The following PACS2 variants were observed in gnomAD, a reference collection of about 807,000 sequenced individuals.
PACS2 encodes the protein PACS1-like protein.
A neutral mutation model predicts 113.0 loss-of-function variants in PACS2; 36 were observed. That is an observed-to-expected ratio of 0.32 (90% CI 0.24 to 0.42). PACS2 has a LOEUF of 0.42. PACS2 is among the 10% of genes least tolerant of loss of function. PACS2 has a pLI of 1.00. For synonymous variants in PACS2, 589 were observed against 536.1 expected (o/e 1.10, Z -1.36); for missense variants, 1,015 against 1,239.5 (o/e 0.82, Z 2.72).
chr14:105,393,398 T>C (rs1479090812), intron 24 of PACS2, 63 bp downstream of exon 24: 2 of 1,126,154 alleles, frequency 1.8e-6, no homozygotes, highest in Non-Finnish European at 2.6e-6. Context: ...GCAAGGCTGC[T>C]TTGGAGCCCA....
At position 105,368,469 on chromosome 14, in the gene PACS2, AGGACGACTTTGACGT is replaced by A; in HGVS notation, c.674_688del (p.Asp225_Val229del). ...CATATGTCTCTGCAGGACTTGGACG[AGGACGACTTTGACGT>A]GGGGAAGCCGAAGAAGCAGCGGAGA... is the stretch of plus-strand genomic sequence containing the variant. On this transcript the variant is annotated inframe_deletion, in exon 7 of 25. Coordinates refer to ENST00000447393, the MANE Select transcript of PACS2 (RefSeq NM_001100913.3). The A allele has an allele frequency of 6.2e-7, 1 of 1,613,828 alleles. No individual in the cohort carries two copies. Among genetic ancestry groups the A allele is most frequent in the Non-Finnish European group, 8.5e-7 (1 of 1,179,798 alleles).
chr14:105,368,610 G>T (rs929982891), intron 7 of PACS2, 71 bp downstream of exon 7: 45 of 1,172,350 alleles, frequency 3.8e-5, no homozygotes, highest in African/African-American at 6.0e-5. Flanking sequence ...GCCTGGGCGT[G>T]GGGGGGACAC....
intron 1 of PACS2, among the ~76,000 whole-genome samples, chr14:105,305,810 C>G (rs1244196695): frequency 6.6e-6 from 1 of 152,264 alleles, no homozygotes; most frequent in Non-Finnish European, 1.5e-5. Context: ...CACCAGTGCC[C>G]TCAGAGCACC....
intron 9 of PACS2, among the ~76,000 whole-genome samples, chr14:105,378,151 A>C (rs976894079): frequency 6.6e-6 from 1 of 152,122 alleles, no homozygotes; most frequent in Admixed American, 6.5e-5. Flanking sequence ...AGCCGGAGAA[A>C]GTTTTCTGTC....
intron 17 of PACS2, 56 bp from the exon 18 acceptor site, chr14:105,384,823 C>T (rs1344276697): frequency 2.7e-5 from 32 of 1,192,856 alleles, no homozygotes; most frequent in Admixed American, 1.2e-4. Flanking sequence ...AGCTTAGCCC[C>T]GCCTGCAACC....
At chr14:105,343,470 A>G (rs1555401986) in intron 1 of PACS2, among the ~76,000 whole-genome samples, 2 of 152,212 alleles carry the variant, frequency 1.3e-5, no homozygotes, top group Non-Finnish European at 1.5e-5. Flanking sequence ...GGCGTTCTGC[A>G]CGTTCAGAGT....
intron 4 of PACS2, among the ~76,000 whole-genome samples, chr14:105,364,723 G>T (rs1555407557): frequency 2.0e-5 from 3 of 147,486 alleles, no homozygotes; most frequent in African/African-American, 5.0e-5. Context: ...TTGAGACGGG[G>T]TCTTACTTTG....
At chr14:105,310,364 AAT>A (rs1323057750), upstream of PACS2, among the ~76,000 whole-genome samples, 2 of 151,482 alleles carry the variant, frequency 1.3e-5, no homozygotes, top group Non-Finnish European at 2.9e-5. Flanking sequence ...CCCCGTCTCT[AAT>A]AAAAATACAA....
In PACS2 at chr14:105,397,264, T is replaced by G. The variant is rs183482703; in HGVS notation, c.*2592T>G. ...CCCTGCCTACCTCACAGAGCTGTTC[T>G]GAGGGTGCATGGAGGAGCACTCTGT... On this transcript the variant is annotated 3_prime_UTR_variant, in exon 25 of 25. Coordinates refer to ENST00000447393, the MANE Select transcript of PACS2 (RefSeq NM_001100913.3). The G allele has an allele frequency of 6.6e-6, 1 of 152,448 alleles. No homozygotes were observed. The highest frequency in any genetic ancestry group is 2.4e-5 in the African/African-American group (1 of 41,586). 9.4% of individuals were successfully genotyped at this position (152,448 alleles called of 1,614,324 possible).
chr14:105,347,405 C>T (rs1343472592), intron 1 of PACS2, among the ~76,000 whole-genome samples: 1 of 152,148 alleles, frequency 6.6e-6, no homozygotes, highest in Admixed American at 6.5e-5. Flanking sequence ...GAGACGGAAG[C>T]ACGTGGCGGC....
chr14:105,326,300 A>G (rs2059103986), intron 1 of PACS2, among the ~76,000 whole-genome samples: 1 of 152,180 alleles, frequency 6.6e-6, no homozygotes, highest in Non-Finnish European at 1.5e-5. Flanking sequence ...CCGCAGCAGC[A>G]GTGGAGTTGA....
intron 3 of PACS2, 57 bp downstream of exon 3, chr14:105,352,524 C>A: frequency 1.9e-6 from 2 of 1,036,686 alleles, no homozygotes; most frequent in African/African-American, 1.6e-5. Context: ...GGGAGACGGG[C>A]CCCCCTCATC....
rs1315833184 is a variant in PACS2 at position 105,395,073 on chromosome 14, G to A, written c.*401G>A. The A allele has an allele frequency of 8.8e-5, 19 of 216,994 alleles. No individual in the cohort carries two copies. In the South Asian group the frequency reaches 1.2e-3, roughly 14 times the overall value. 13.4% of individuals were successfully genotyped at this position (216,994 alleles called of 1,614,324 possible). A position where few individuals can be genotyped will look rare whatever the true frequency, so the allele number is the denominator to read the frequency against. Reference sequence around the variant, plus strand: ...TCAGTGGCCACAGGCCGAGGGCCATGGGGCCGCTCAGTCCCGTTGGGGTTG... The same window carrying A: ...TCAGTGGCCACAGGCCGAGGGCCATAGGGCCGCTCAGTCCCGTTGGGGTTG... On this transcript the variant is annotated 3_prime_UTR_variant, in exon 25 of 25. Coordinates refer to ENST00000447393, the MANE Select transcript of PACS2 (RefSeq NM_001100913.3).
intron 1 of PACS2, among the ~76,000 whole-genome samples, chr14:105,335,188 CGT>C (rs2099802730): frequency 6.6e-6 from 1 of 152,238 alleles, no homozygotes; most frequent in Non-Finnish European, 1.5e-5. Context: ...GAGGGCCGGA[CGT>C]GTGTTTGCAG....
At chr14:105,362,215 A>T (rs113082544) in intron 4 of PACS2, among the ~76,000 whole-genome samples, 7 of 151,246 alleles carry the variant, frequency 4.6e-5, no homozygotes, top group Admixed American at 4.6e-4. Context: ...TCAGGAGATC[A>T]AGACCATCCT....
intron 20 of PACS2, chr14:105,390,991 C>G: frequency 1.7e-6 from 1 of 597,584 alleles, no homozygotes; most frequent in South Asian, 2.0e-5. Context: ...CCTGCTGAGG[C>G]CACGCACCCT....
At chr14:105,344,959 A>G (rs2059864982) in intron 1 of PACS2, among the ~76,000 whole-genome samples, 1 of 152,090 alleles carries the variant, frequency 6.6e-6, no homozygotes, top group African/African-American at 2.4e-5. Context: ...AATATAAAAA[A>G]TTAGCTGGGC....
At chr14:105,368,000 C>A in intron 5 of PACS2, 74 bp from the exon 6 acceptor site, 1 of 940,546 alleles carries the variant, frequency 1.1e-6, no homozygotes, top group Non-Finnish European at 1.7e-6. Context: ...TCCAGGGAAG[C>A]CTGGGGGTGG....
intron 8 of PACS2, among the ~76,000 whole-genome samples, chr14:105,374,134 G>T (rs11628873): frequency 1.4e-5 from 2 of 145,060 alleles, no homozygotes; most frequent in African/African-American, 5.2e-5. Flanking sequence ...CAGCCTGGGC[G>T]ACACAGCGAG....
Sources: gnomAD v4.1 joint callset for allele counts (sites outside exome capture counted in the v4.1 genomes callset) on GRCh38, gnomAD v4.1.1 for gene constraint, MANE v1.5 for transcripts, NCBI Gene and HGNC (gene_info 2026-07-23, HGNC 2026-07-21) for gene names.